The following LIX1 variants were observed in gnomAD, a reference collection of about 807,000 sequenced individuals.
The protein encoded by LIX1 is protein limb expression 1 homolog.
Under a neutral mutation model 33.4 loss-of-function variants are expected in LIX1, and 24 were observed. The ratio of observed to expected loss-of-function variants is 0.72; its 90% CI spans 0.52 to 1.01. The LOEUF is 1.01. Ranked by LOEUF, LIX1 falls within the 50% of genes least tolerant of loss-of-function variation. The probability of loss-of-function intolerance (pLI) is 0.00; values close to 1 mark genes in which losing one functional copy is unlikely to be tolerated. For synonymous variants in LIX1, 124 were observed against 124.0 expected, an observed-to-expected ratio of 1.00 and a Z score of 0.00; for missense variants, 311 against 339.2, an observed-to-expected ratio of 0.92 and a Z score of 0.65.
intron 1 of LIX1, among the ~76,000 whole-genome samples, chr5:97,131,010 G>A (rs1224862291): frequency 2.0e-5 from 3 of 152,166 alleles, no homozygotes; most frequent in African/African-American, 7.2e-5. Context: ...AGAGTTTTCA[G>A]AGTAGTATTA....
chr5:97,130,932 G>A (rs1247251679), intron 1 of LIX1, among the ~76,000 whole-genome samples: 1 of 152,168 alleles, frequency 6.6e-6, no homozygotes, highest in African/African-American at 2.4e-5. Context: ...AAGAAAATGT[G>A]CCATGTAGTT....
rs1423007775 is a variant in LIX1, at chr5:97,093,646, T to C, written c.*1102A>G. 1.3e-5 allele frequency: 2 copies of C among 151,772 alleles called. No homozygotes were observed. The highest frequency in any genetic ancestry group is 1.3e-4 in the Admixed American group (2 of 15,230). The allele number at this position is 151,772 out of a possible 1,614,324, so 9.4% of individuals were successfully genotyped here. A position where few individuals can be genotyped will look rare whatever the true frequency, so the allele number is the denominator to read the frequency against. ...AAAAAAAAAAAAAAAAAAAAGTTTT[T>C]ATTGTTTTTTGATTTTCTAATCAGT... On this transcript the variant is annotated 3_prime_UTR_variant, in exon 6 of 6. Transcript: ENST00000274382.
intron 1 of LIX1, among the ~76,000 whole-genome samples, chr5:97,137,695 G>A (rs1329524574): frequency 6.6e-6 from 1 of 152,144 alleles, no homozygotes; most frequent in Non-Finnish European, 1.5e-5. Flanking sequence ...AAGCTAGCAA[G>A]CACTATAGGG....
At chr5:97,117,304 A>G (rs1747659745) in intron 2 of LIX1, among the ~76,000 whole-genome samples, 1 of 152,176 alleles carries the variant, frequency 6.6e-6, no homozygotes, top group Non-Finnish European at 1.5e-5. Context: ...GGCAGAGAAG[A>G]GGTCATGGAT....
intron 1 of LIX1, among the ~76,000 whole-genome samples, chr5:97,141,237 G>C (rs1423118369): frequency 6.6e-6 from 1 of 152,072 alleles, no homozygotes; most frequent in Non-Finnish European, 1.5e-5. Flanking sequence ...CCTCACTAGT[G>C]AATCAGTTCT....
rs1746233040 is a variant in LIX1, at chr5:97,094,401, A to C, written c.*347T>G. The C allele has an allele frequency of 4.4e-6, 1 of 229,232 alleles. No homozygotes were observed. The highest frequency in any genetic ancestry group is 9.8e-5 in the East Asian group (1 of 10,184). The allele number at this position is 229,232 out of a possible 1,614,324, so 14.2% of individuals were successfully genotyped here. ...GGCTGCTGTTCATTTGGGGAATGCT[A>C]TATTGGACTATTCTTGAAACAATAT... is the stretch of plus-strand genomic sequence containing the variant. On this transcript the variant is annotated 3_prime_UTR_variant, in exon 6 of 6. Coordinates refer to ENST00000274382, the MANE Select transcript of LIX1 (RefSeq NM_153234.5).
intron 4 of LIX1, among the ~76,000 whole-genome samples, chr5:97,098,314 C>T (rs111360227): frequency 0.038 from 5,718 of 152,224 alleles, 145 homozygotes; most frequent in South Asian, 0.086. Context: ...CTATCAGCAC[C>T]ATCATTTCCT....
At chr5:97,110,397 A>G (rs759265596) in intron 2 of LIX1, among the ~76,000 whole-genome samples, 2 of 152,214 alleles carry the variant, frequency 1.3e-5, no homozygotes, top group Non-Finnish European at 1.5e-5. Flanking sequence ...GCAGAAGAAG[A>G]TATTATAACT....
intron 2 of LIX1, among the ~76,000 whole-genome samples, chr5:97,117,173 C>G (rs1054884302): frequency 6.6e-6 from 1 of 152,138 alleles, no homozygotes; most frequent in South Asian, 2.1e-4. Context: ...GTCTTTGAGT[C>G]TCATTAGTTA....
Position 97,094,774 on chromosome 5 carries a change from G to A in LIX1, c.823C>T (p.Leu275Phe), listed in dbSNP as rs1746260652. The part of the protein sequence containing the change: ...TSSPSDDQLS[L>F]TALCGYH ...TAGTGATAGCCACACAGGGCCGTAAGGCTCAGCTGATCATCACTGGGTGAG... is the reference window on the plus strand; with the variant it reads ...TAGTGATAGCCACACAGGGCCGTAAAGCTCAGCTGATCATCACTGGGTGAG... The change falls in exon 6 of 6, where the codon CTT (leucine) becomes TTT (phenylalanine). Residue 275 changes from leucine (L) to phenylalanine (F), a missense_variant. Transcript: ENST00000274382. The A allele has an allele frequency of 1.2e-6, 2 of 1,614,024 alleles. No homozygotes were observed. The highest frequency in any genetic ancestry group is 1.7e-5 in the Admixed American group (1 of 60,000).
chr5:97,095,119 C>A (rs1746308248), intron 5 of LIX1, 84 bp from the exon 6 acceptor site: 1 of 1,286,108 alleles, frequency 7.8e-7, no homozygotes. Context: ...CTTCCCACAT[C>A]CATTAGGGTT....
At chr5:97,108,816 C>A (rs1747211186) in intron 2 of LIX1, among the ~76,000 whole-genome samples, 1 of 152,090 alleles carries the variant, frequency 6.6e-6, no homozygotes. Context: ...CTCCAAGGCT[C>A]CTACTACCCA....
chr5:97,098,064 T>C (rs1055155462), intron 4 of LIX1, among the ~76,000 whole-genome samples: 7 of 152,242 alleles, frequency 4.6e-5, no homozygotes, highest in Non-Finnish European at 1.0e-4. Context: ...AAGGAGGTGT[T>C]ATGCAATTCT....
intron 4 of LIX1, among the ~76,000 whole-genome samples, chr5:97,102,559 T>C (rs544347026): frequency 6.6e-6 from 1 of 152,290 alleles, no homozygotes; most frequent in South Asian, 2.1e-4. Flanking sequence ...CAGACTCCTT[T>C]AGGAGAATTT....
chr5:97,104,087 G>C lies in LIX1; in HGVS notation c.483+1103C>G, dbSNP rs570878616. Among the ~76,000 whole-genome samples the C allele has an allele frequency of 3.3e-4, 50 of 152,258 alleles. 2 individuals carry two copies. In the South Asian group the frequency reaches 1.0e-2, roughly 30 times the overall value. On this transcript the variant is annotated intron_variant, in intron 4 of 5. Coordinates refer to ENST00000274382, the MANE Select transcript of LIX1 (RefSeq NM_153234.5). ...ATTTATTTTTTAATAATGTGCATGG[G>C]GACATTTCCATCTGAGAAGTGGCTG...
At chr5:97,136,382 C>T (rs771140189) in intron 1 of LIX1, among the ~76,000 whole-genome samples, 2 of 152,106 alleles carry the variant, frequency 1.3e-5, no homozygotes, top group Admixed American at 6.5e-5. Context: ...TTTATTTCAT[C>T]GTAAAGGAGA....
At chr5:97,100,052 T>A (rs1255111902) in intron 4 of LIX1, among the ~76,000 whole-genome samples, 1 of 152,188 alleles carries the variant, frequency 6.6e-6, no homozygotes, top group African/African-American at 2.4e-5. Flanking sequence ...ACTGTTGACT[T>A]AGAAACATAC....
At chr5:97,142,212 AG>A (rs1280182820) in intron 1 of LIX1, among the ~76,000 whole-genome samples, 1 of 152,242 alleles carries the variant, frequency 6.6e-6, no homozygotes, top group Non-Finnish European at 1.5e-5. Context: ...TTACTTAAAA[AG>A]CATCAGAAAA....
chr5:97,093,634 A>AAG lies in LIX1; in HGVS notation c.*1113_*1114insCT, dbSNP rs1317456578. On this transcript the variant is annotated 3_prime_UTR_variant, in exon 6 of 6. Coordinates refer to ENST00000274382, the MANE Select transcript of LIX1 (RefSeq NM_153234.5). ...CCGTCTCTACTAAAAAAAAAAAAAAAAAAAAAGTTTTTATTGTTTTTTGAT... is the reference window on the plus strand; with the variant it reads ...CCGTCTCTACTAAAAAAAAAAAAAAAAGAAAAAAGTTTTTATTGTTTTTTGAT... 6.6e-6 allele frequency: 1 copy of AAG among 151,874 alleles called. No homozygotes were observed. Among genetic ancestry groups the AAG allele is most frequent in the Non-Finnish European group, 1.5e-5 (1 of 67,944 alleles). 9.4% of individuals were successfully genotyped at this position (151,874 alleles called of 1,614,324 possible).
Sources: allele counts gnomAD v4.1 joint callset (sites outside exome capture counted in the v4.1 genomes callset), GRCh38; gene constraint gnomAD v4.1.1; transcripts MANE v1.5; gene names NCBI Gene and HGNC (gene_info 2026-07-23, HGNC 2026-07-21).